Variants in ELAVL4 observed in about 807,000 individuals in gnomAD.
ELAVL4 encodes the protein ELAV-like protein 4.
ELAVL4 carries 1 observed loss-of-function variant against 35.6 expected under a neutral mutation model. That is an observed-to-expected ratio of 0.03 (90% confidence interval 0.01 to 0.13). The LOEUF (loss-of-function observed/expected upper bound fraction) is 0.13. Ranked by LOEUF, ELAVL4 falls within the 10% of genes least tolerant of loss-of-function variation. ELAVL4 has a pLI of 1.00. For synonymous variants in ELAVL4, 156 were observed against 171.0 expected (o/e 0.91, Z 0.69); for missense variants, 267 against 464.9 (o/e 0.57, Z 3.91).
At chr1:50,075,458 T>C (rs999985002) in intron 1 of ELAVL4, among the ~76,000 whole-genome samples, 5 of 152,206 alleles carry the variant, frequency 3.3e-5, no homozygotes, top group Non-Finnish European at 7.3e-5. Context: ...CTCTGTCCTC[T>C]TTGTAGAAGA....
chr1:50,144,856 ATCT>A (rs1440149363), intron 1 of ELAVL4, 98 bp from the exon 2 acceptor site: 26 of 1,543,968 alleles, frequency 1.7e-5, no homozygotes, highest in African/African-American at 6.9e-5. Context: ...ATCTTGCTTT[ATCT>A]TCTTCTCTTT....
At position 50,109,098 on chromosome 1, in the gene ELAVL4, A is replaced by T; in HGVS notation, c.-92A>T. 1 of 1,494,796 alleles carries T rather than the reference A, an allele frequency of 6.7e-7. No homozygotes were observed. The highest frequency in any genetic ancestry group is 8.9e-7 in the Non-Finnish European group (1 of 1,124,482). The allele number at this position is 1,494,796 out of a possible 1,614,324, so 92.6% of individuals were successfully genotyped here. On this transcript the variant is annotated 5_prime_UTR_variant, in exon 1 of 7. Transcript: ENST00000371824. The stretch of plus-strand genomic sequence containing the variant: ...TTGTGGATCTTTAATTATATATAAC[A>T]ATAGTAGTCATTTTAAATATATATT...
intron 1 of ELAVL4, among the ~76,000 whole-genome samples, chr1:50,132,006 G>A (rs1364405411): frequency 2.0e-5 from 3 of 151,982 alleles, no homozygotes; most frequent in Non-Finnish European, 2.9e-5. Flanking sequence ...ATCATGCAGA[G>A]GACAGAGAAT....
intron 1 of ELAVL4, among the ~76,000 whole-genome samples, chr1:50,142,323 C>T (rs1672956462): frequency 1.3e-5 from 2 of 152,310 alleles, no homozygotes; most frequent in South Asian, 4.1e-4. Flanking sequence ...CCTCAGCCTC[C>T]CGAGTAGCTG....
chr1:50,119,774 A>G (rs1175781403), intron 1 of ELAVL4, among the ~76,000 whole-genome samples: 1 of 151,926 alleles, frequency 6.6e-6, no homozygotes, highest in African/African-American at 2.4e-5. Context: ...TGCTTGTAAC[A>G]GATCTGTGAC....
rs185893003 is a variant in ELAVL4, at chr1:50,201,300, G to A, written c.*122G>A. The A allele has an allele frequency of 4.6e-4, 581 of 1,250,782 alleles. 9 individuals carry two copies. The highest frequency in any genetic ancestry group is 4.3e-5 in the Non-Finnish European group (41 of 946,016). The allele number at this position is 1,250,782 out of a possible 1,614,324, so 77.5% of individuals were successfully genotyped here. A position where few individuals can be genotyped will look rare whatever the true frequency, so the allele number is the denominator to read the frequency against. ...CTTTTCAAGGCTTATATTCAACCAT[G>A]GACTTTATAAGCCAGTGTTGCCTAA... is the stretch of plus-strand genomic sequence containing the variant. On this transcript the variant is annotated 3_prime_UTR_variant, in exon 7 of 7. Coordinates refer to ENST00000371824, the MANE Select transcript of ELAVL4 (RefSeq NM_001144774.3). This position sits in a 1 kb window ranked among gnomAD's most constrained non-coding sequence, Gnocchi z 4.3.
chr1:50,195,554 T>G lies in ELAVL4; in HGVS notation c.509-7T>G, dbSNP rs1557865799. The stretch of plus-strand genomic sequence containing the variant: ...ACTCTTTACAAAGGCTCTTTCTCTT[T>G]CCCCAGGAGTGTCCAGAGGGGTGGG... On this transcript the variant is annotated splice_polypyrimidine_tract_variant and splice_region_variant and intron_variant, in intron 4 of 6. Transcript: ENST00000371824. The G allele has an allele frequency of 2.5e-6, 4 of 1,613,566 alleles. No individual in the cohort carries two copies. The South Asian group carries it at 3.3e-5, about 13-fold the overall frequency.
At position 50,149,533 on chromosome 1, in the gene ELAVL4, T is replaced by G. The variant is rs1020198384; in HGVS notation, c.250+4336T>G. Among the ~76,000 whole-genome samples, 4 of 150,784 alleles carry G rather than the reference T, an allele frequency of 2.7e-5. No individual in the cohort carries two copies. In the South Asian group the frequency reaches 8.4e-4, roughly 32 times the overall value. On this transcript the variant is annotated intron_variant, in intron 2 of 6. Coordinates refer to ENST00000371824, the MANE Select transcript of ELAVL4 (RefSeq NM_001144774.3). ...CTTCATGTCACTCTCTGTGTACCCA[T>G]GCATTGTCCTTTTTTTTTTTTTTTT...
At chr1:50,127,735 C>T (rs1347793595) in intron 1 of ELAVL4, among the ~76,000 whole-genome samples, 1 of 152,044 alleles carries the variant, frequency 6.6e-6, no homozygotes, top group Admixed American at 6.6e-5. Context: ...TTTGGAAAAC[C>T]GAGACACAGA....
chr1:50,201,802 G>C lies in ELAVL4; in HGVS notation c.*624G>C, dbSNP rs1474774799. 1 of 151,854 alleles carries C rather than the reference G, an allele frequency of 6.6e-6. No individual in the cohort carries two copies. The highest frequency in any genetic ancestry group is 1.5e-5 in the Non-Finnish European group (1 of 67,976). 9.4% of individuals were successfully genotyped at this position (151,854 alleles called of 1,614,324 possible). On this transcript the variant is annotated 3_prime_UTR_variant, in exon 7 of 7. Coordinates refer to ENST00000371824, the MANE Select transcript of ELAVL4 (RefSeq NM_001144774.3). This position sits in a 1 kb window ranked among gnomAD's most constrained non-coding sequence, Gnocchi z 4.3. ...ATCATGTGAACTAAAACAGTCTTCT[G>C]TTAGGGGATGGGGGCAAGGGGGATA...
At chr1:50,112,998 T>TA (rs1667330176) in intron 1 of ELAVL4, among the ~76,000 whole-genome samples, 1 of 152,156 alleles carries the variant, frequency 6.6e-6, no homozygotes, top group African/African-American at 2.4e-5. Flanking sequence ...GTTCTAAACT[T>TA]AGTCTTGAAA....
intron 1 of ELAVL4, among the ~76,000 whole-genome samples, chr1:50,066,216 A>C (rs572849707): frequency 6.6e-6 from 1 of 152,218 alleles, no homozygotes; most frequent in African/African-American, 2.4e-5. Context: ...GATTACAAAG[A>C]CCTTTTGCCT....
intron 2 of ELAVL4, chr1:50,174,674 TC>T (rs776966832): frequency 3.3e-5 from 5 of 152,292 alleles, no homozygotes; most frequent in Non-Finnish European, 5.9e-5. Flanking sequence ...AGGGCTCCTT[TC>T]CCTCATTTGA....
intron 1 of ELAVL4, among the ~76,000 whole-genome samples, chr1:50,086,540 C>T (rs942159868): frequency 8.6e-5 from 13 of 151,160 alleles, no homozygotes; most frequent in African/African-American, 2.7e-4. Flanking sequence ...TGCGGAGGAA[C>T]CCTTTAGCAT....
At chr1:50,126,754 T>C (rs1669992458) in intron 1 of ELAVL4, among the ~76,000 whole-genome samples, 2 of 152,114 alleles carry the variant, frequency 1.3e-5, no homozygotes, top group South Asian at 4.1e-4. Context: ...ACCTCCTTTG[T>C]TTTCATTAGC....
At chr1:50,120,181 T>C (rs1006297750) in intron 1 of ELAVL4, among the ~76,000 whole-genome samples, 2 of 151,892 alleles carry the variant, frequency 1.3e-5, no homozygotes, top group Non-Finnish European at 2.9e-5. Context: ...CAGAATGATG[T>C]GGACAGTGTC....
At chr1:50,178,871 C>A (rs1465268300) in intron 3 of ELAVL4, among the ~76,000 whole-genome samples, 1 of 152,034 alleles carries the variant, frequency 6.6e-6, no homozygotes, top group Non-Finnish European at 1.5e-5. Context: ...ACACCCTGAC[C>A]TTGAACTGAA....
chr1:50,171,977 A>G (rs1007042392), intron 2 of ELAVL4, among the ~76,000 whole-genome samples: 1 of 152,236 alleles, frequency 6.6e-6, no homozygotes, highest in Non-Finnish European at 1.5e-5. Flanking sequence ...TTCCATAAAA[A>G]TTCCTTACTC....
At chr1:50,194,202 T>C (rs1683092668) in intron 4 of ELAVL4, among the ~76,000 whole-genome samples, 2 of 152,204 alleles carry the variant, frequency 1.3e-5, no homozygotes, top group Admixed American at 6.5e-5. Context: ...TGGAACTGTA[T>C]GACCTTCAAA....
Sources: allele counts gnomAD v4.1 joint callset (sites outside exome capture counted in the v4.1 genomes callset), GRCh38; gene constraint gnomAD v4.1.1; non-coding constraint Gnocchi (gnomAD v3.1); transcripts MANE v1.5; gene names NCBI Gene and HGNC (gene_info 2026-07-23, HGNC 2026-07-21).